The following CES2 variants were observed in gnomAD, a reference collection of about 807,000 sequenced individuals.
The protein encoded by CES2 is cocaine esterase.
A neutral mutation model predicts 52.1 loss-of-function variants in CES2; 42 were observed. That is an observed-to-expected ratio of 0.81 (90% CI 0.63 to 1.04). The LOEUF (loss-of-function observed/expected upper bound fraction) is 1.04. CES2 is among the 50% of genes least tolerant of loss of function. CES2 has a pLI of 0.00. For synonymous variants in CES2, 277 were observed against 289.6 expected, an observed-to-expected ratio of 0.96 and a Z score of 0.44; for missense variants, 656 against 724.3, an observed-to-expected ratio of 0.91 and a Z score of 1.08.
intron 7 of CES2, 50 bp from the exon 8 acceptor site, chr16:66,941,718 G>C: frequency 2.5e-6 from 4 of 1,613,864 alleles, no homozygotes; most frequent in African/African-American, 1.3e-5. Flanking sequence ...GGGCTTCATA[G>C]CTCCAGGCTC....
At position 66,941,505 on chromosome 16, in the gene CES2, G is replaced by T. The variant is rs57263696; in HGVS notation, c.916-1G>T. On this transcript the variant is annotated splice_acceptor_variant, in intron 6 of 11. Transcript: ENST00000317091. LOFTEE classifies it high-confidence loss of function. ...TTCCCTGACCTTACATTTCCCCTCA[G>T]CCTTTCAAGATGATCCCCGGAGTGG... 6.2e-7 allele frequency: 1 copy of T among 1,614,004 alleles called. No individual in the cohort carries two copies. The highest frequency in any genetic ancestry group is 1.3e-5 in the African/African-American group (1 of 75,038).
At position 66,940,482 on chromosome 16, in the gene CES2, A is replaced by C; in HGVS notation, c.603A>C (p.Gln201His). The C allele has an allele frequency of 6.2e-7, 1 of 1,613,984 alleles. No individual in the cohort carries two copies. The highest frequency in any genetic ancestry group is 8.5e-7 in the Non-Finnish European group (1 of 1,180,038). Reference sequence around the variant, plus strand: ...CCGGCAACTGGGGCTACCTGGACCAAGTGGCTGCACTACGCTGGGTCCAGC... The same window carrying C: ...CCGGCAACTGGGGCTACCTGGACCACGTGGCTGCACTACGCTGGGTCCAGC... ...HATGNWGYLD[Q>H]VAALRWVQQN... The change falls in exon 5 of 12, where the codon CAA becomes CAC. Residue 201 changes from glutamine to histidine, a missense_variant. Coordinates refer to ENST00000317091, the MANE Select transcript of CES2 (RefSeq NM_001365405.1).
intron 7 of CES2, 23 bp from the exon 8 acceptor site, chr16:66,941,745 C>G: frequency 1.2e-6 from 2 of 1,614,114 alleles, no homozygotes; most frequent in Non-Finnish European, 1.7e-6. Flanking sequence ...TCCCCAGCTA[C>G]AGACTCTCTC....
In CES2 at chr16:66,940,596, G is replaced by A. The variant is rs752453143; in HGVS notation, c.717G>A (p.Val239=). 1.2e-6 allele frequency: 2 copies of A among 1,614,230 alleles called. No homozygotes were observed. Among genetic ancestry groups the A allele is most frequent in the Non-Finnish European group, 1.7e-6 (2 of 1,180,038 alleles). ...AGGTSVSSLV[V]SPISQGLFHG... is the part of the protein sequence containing the mutation. The stretch of plus-strand genomic sequence containing the variant: ...GCACGAGTGTGTCTTCGCTTGTTGT[G>A]TCCCCCATATCCCAAGGACTCTTCC... Residue 239 remains valine, a synonymous_variant, in exon 5 of 12, where the codon GTG becomes GTA. Transcript: ENST00000317091.
intron 1 of CES2, chr16:66,935,972 G>C: frequency 7.1e-7 from 1 of 1,400,954 alleles, no homozygotes; most frequent in South Asian, 1.5e-5. Context: ...GACATGCCAG[G>C]CCGGGTAGGC....
rs755907689 is a variant in CES2 at position 66,941,523 on chromosome 16, C to T, written c.933C>T (p.Pro311=). The change falls in exon 7 of 12, where the codon CCC becomes CCT. Residue 311 remains proline, a synonymous_variant. Coordinates refer to ENST00000317091, the MANE Select transcript of CES2 (RefSeq NM_001365405.1). ...CCCCTCAGCCTTTCAAGATGATCCC[C>T]GGAGTGGTGGATGGGGTCTTCCTGC... ...LAINKPFKMI[P]GVVDGVFLPR... is the part of the protein sequence containing the mutation. 2.4e-5 allele frequency: 38 copies of T among 1,613,964 alleles called. No individual in the cohort carries two copies. In the Middle Eastern group the frequency reaches 4.9e-4, roughly 21 times the overall value.
Position 66,938,236 on chromosome 16 carries a change from G to A in CES2, c.276G>A (p.Pro92=), listed in dbSNP as rs747450152. Residue 92 remains proline, a synonymous_variant, in exon 2 of 12, where the codon CCG becomes CCA. Transcript: ENST00000317091. ...WSGVRDGTTH[P]AMCLQDLTAV... is the part of the protein sequence containing the mutation. ...GTGTGAGGGATGGAACCACCCATCC[G>A]GCCATGTAAGCTCTCCAAGGGGTCC... 1.7e-5 allele frequency: 27 copies of A among 1,611,982 alleles called. No individual in the cohort carries two copies. Among genetic ancestry groups the A allele is most frequent in the South Asian group, 1.2e-4 (11 of 91,034 alleles).
intron 1 of CES2, among the ~76,000 whole-genome samples, chr16:66,937,459 T>A (rs1963240246): frequency 6.6e-6 from 1 of 152,120 alleles, no homozygotes; most frequent in South Asian, 2.1e-4. Context: ...GAGCCAGGCT[T>A]TTCTACAGCT....
Position 66,942,784 on chromosome 16 carries a change from C to T in CES2, c.1419C>T (p.Tyr473=), listed in dbSNP as rs1332280531. The T allele has an allele frequency of 1.2e-6, 2 of 1,614,098 alleles. No homozygotes were observed. The highest frequency in any genetic ancestry group is 1.1e-5 in the South Asian group (1 of 91,090). Residue 473 remains tyrosine, a splice_region_variant and synonymous_variant, in exon 10 of 12, where the codon TAC becomes TAT. Transcript: ENST00000317091. ...TCAGAAGTTTCTTTGGGGGCAACTA[C>T]AGTGAGTCTTCTTCCTTTCCCGGGA... ...FVFRSFFGGN[Y]IKFTEEEEQL... is the part of the protein sequence containing the mutation.
chr16:66,937,823 T>C (rs991433050), intron 1 of CES2, among the ~76,000 whole-genome samples: 4 of 152,182 alleles, frequency 2.6e-5, no homozygotes, highest in Non-Finnish European at 5.9e-5. Flanking sequence ...TGATGATGCC[T>C]GGCCCCAAGG....
At chr16:66,942,045 A>G in intron 8 of CES2, 60 bp from the exon 9 acceptor site, 1 of 1,559,070 alleles carries the variant, frequency 6.4e-7, no homozygotes, top group Non-Finnish European at 8.7e-7. Context: ...GCCCGAGACC[A>G]CCTCCTCCCT....
Position 66,942,707 on chromosome 16 carries a change from A to C in CES2, c.1342A>C (p.Ile448Leu). Residue 448 changes from isoleucine (I) to leucine (L), a missense_variant, in exon 10 of 12, where the codon ATC (isoleucine) becomes CTC (leucine). By Grantham distance (5) the Ile-to-Leu change is conservative (BLOSUM62 2). Transcript: ENST00000317091. ...FQHQPSWLKN[I>L]RPPHMKADHG... ...GCATCAGCCCAGCTGGCTCAAGAAC[A>C]TCAGGCCACCGCACATGAAGGCAGA... is the stretch of plus-strand genomic sequence containing the variant. 5 of 1,614,260 alleles carry C rather than the reference A, an allele frequency of 3.1e-6. No homozygotes were observed. Among genetic ancestry groups the C allele is most frequent in the Non-Finnish European group, 3.4e-6 (4 of 1,180,052 alleles).
Position 66,943,297 on chromosome 16 carries a change from A to C in CES2, c.1421-2A>C. 1 of 1,614,090 alleles carries C rather than the reference A, an allele frequency of 6.2e-7. No individual in the cohort carries two copies. The highest frequency in any genetic ancestry group is 1.7e-4 in the Middle Eastern group (1 of 6,056). The stretch of plus-strand genomic sequence containing the variant: ...AGACACATGTCCTCTTCCTCTTGGC[A>C]GTTAAATTCACTGAGGAAGAGGAGC... On this transcript the variant is annotated splice_acceptor_variant, in intron 10 of 11. Coordinates refer to ENST00000317091, the MANE Select transcript of CES2 (RefSeq NM_001365405.1). LOFTEE classifies it high-confidence loss of function. The surrounding 1 kb of genome is among the most constrained non-coding windows in gnomAD (Gnocchi z 4.2).
At chr16:66,941,983 TG>T (rs1317753085) in intron 8 of CES2, 121 bp from the exon 9 acceptor site, 1 of 1,511,526 alleles carries the variant, frequency 6.6e-7, no homozygotes, top group African/African-American at 1.4e-5. Context: ...TGTTTAGGGG[TG>T]GGGTCACCTC....
chr16:66,942,182 G>T lies in CES2; in HGVS notation c.1215G>T (p.Ala405=). 1.2e-6 allele frequency: 2 copies of T among 1,613,872 alleles called. No homozygotes were observed. The highest frequency in any genetic ancestry group is 1.3e-5 in the African/African-American group (1 of 75,042). ...GDNGDPQTLQ[A]QFQEMMADSM... is the part of the protein sequence containing the mutation. ...ATGGGGATCCCCAGACCCTCCAAGCGCAGTTCCAGGAGATGATGGCGGACT... is the reference window on the plus strand; with the variant it reads ...ATGGGGATCCCCAGACCCTCCAAGCTCAGTTCCAGGAGATGATGGCGGACT... The change falls in exon 9 of 12, where the codon GCG becomes GCT. Residue 405 remains alanine (A), a synonymous_variant. Coordinates refer to ENST00000317091, the MANE Select transcript of CES2 (RefSeq NM_001365405.1).
At chr16:66,935,486 G>A, upstream of CES2, 1 of 1,613,466 alleles carries the variant, frequency 6.2e-7, no homozygotes, top group South Asian at 1.1e-5. Flanking sequence ...CACCTTTCCC[G>A]GCCCAAGCCA....
chr16:66,939,454 G>A (rs957736048), intron 3 of CES2, 96 bp downstream of exon 3: 1 of 1,325,560 alleles, frequency 7.5e-7, no homozygotes. Flanking sequence ...CTTCAGAGTG[G>A]ACCATGCTGA....
chr16:66,936,048 G>T (rs1963205331), intron 1 of CES2: 1 of 1,245,292 alleles, frequency 8.0e-7, no homozygotes, highest in East Asian at 4.1e-5. Flanking sequence ...TCTTATGATT[G>T]TGGCTGTAGC....
intron 3 of CES2, among the ~76,000 whole-genome samples, 180 bp from the exon 4 acceptor site, chr16:66,940,042 T>C (rs964754571): frequency 2.6e-5 from 4 of 152,160 alleles, no homozygotes; most frequent in Admixed American, 2.6e-4. Context: ...ATTGCAAAGA[T>C]TGGGAGGCCT....
Sources: allele counts gnomAD v4.1 joint callset (sites outside exome capture counted in the v4.1 genomes callset), GRCh38; gene constraint gnomAD v4.1.1; non-coding constraint Gnocchi (gnomAD v3.1); transcripts MANE v1.5; gene names NCBI Gene and HGNC (gene_info 2026-07-23, HGNC 2026-07-21).